Variants in MCM4 observed in about 807,000 individuals in gnomAD.
The protein encoded by MCM4 is minichromosome maintenance complex component 4, also known as DNA replication licensing factor MCM4.
In MCM4, 60 loss-of-function variants were observed where a neutral mutation model predicts 88.7. The observed-to-expected ratio is 0.68, with a 90% CI of 0.55 to 0.84. MCM4 has a LOEUF of 0.84. Among genes scored for constraint, MCM4 ranks in the 40% least tolerant of loss-of-function variants. MCM4 has a pLI of 0.00. For missense variants in MCM4, 1,149 were observed against 1,105.5 expected, an observed-to-expected ratio of 1.04 and a Z score of -0.56; for synonymous variants, 465 against 410.5, an observed-to-expected ratio of 1.13 and a Z score of -1.61.
chr8:47,967,727 G>T (rs1026142126), intron 10 of MCM4, among the ~76,000 whole-genome samples: 2 of 152,132 alleles, frequency 1.3e-5, no homozygotes, highest in African/African-American at 4.8e-5. Context: ...TGGTTCGTGT[G>T]GTCACTCGCC....
At chr8:47,968,866 A>C (rs1309713657) in intron 10 of MCM4, among the ~76,000 whole-genome samples, 1 of 151,806 alleles carries the variant, frequency 6.6e-6, no homozygotes, top group South Asian at 2.1e-4. Context: ...AGACCTCTGT[A>C]TGTGAGGAGC....
intron 2 of MCM4, 122 bp downstream of exon 2, chr8:47,961,336 C>T (rs367859950): frequency 2.1e-6 from 3 of 1,455,072 alleles, no homozygotes; most frequent in Non-Finnish European, 2.7e-6. Context: ...CTGGGCGCTG[C>T]CGCTTGGTGC....
In MCM4 at chr8:47,962,064, G is replaced by C. The variant is rs375628641; in HGVS notation, c.247G>C (p.Asp83His). 2 of 1,614,014 alleles carry C rather than the reference G, an allele frequency of 1.2e-6. No individual in the cohort carries two copies. The highest frequency in any genetic ancestry group is 8.5e-7 in the Non-Finnish European group (1 of 1,179,976). The change falls in exon 4 of 17, where the codon GAC becomes CAC. Residue 83 changes from aspartate (D) to histidine (H), a missense_variant. By Grantham distance (81) the Asp-to-His change is moderately conservative. Coordinates refer to ENST00000649973, the MANE Select transcript of MCM4 (RefSeq NM_182746.3). ...PQMHSSAIPL[D>H]FDVSSPLTYG... ...TTTTGTTTTTATAGCTATCCCTCTT[G>C]ACTTTGATGTTAGTTCACCACTGAC...
chr8:47,970,662 G>A lies in MCM4; in HGVS notation c.1586G>A (p.Arg529Lys). ...LLQYVYNLVP[R>K]GQYTSGKGSS... Reference sequence around the variant, plus strand: ...CAGTACGTGTACAACCTCGTCCCCAGGGGCCAGTACACGTCTGGGAAGGGC... The same window carrying A: ...CAGTACGTGTACAACCTCGTCCCCAAGGGCCAGTACACGTCTGGGAAGGGC... Residue 529 changes from arginine to lysine, a missense_variant, in exon 12 of 17, where the codon AGG becomes AAG. Arg to Lys is a conservative substitution (Grantham distance 26, BLOSUM62 2). Coordinates refer to ENST00000649973, the MANE Select transcript of MCM4 (RefSeq NM_182746.3). The A allele has an allele frequency of 6.2e-7, 1 of 1,614,166 alleles. No homozygotes were observed. The highest frequency in any genetic ancestry group is 8.5e-7 in the Non-Finnish European group (1 of 1,180,040).
At chr8:47,965,781 G>A (rs76466195) in intron 8 of MCM4, among the ~76,000 whole-genome samples, 119 of 152,246 alleles carry the variant, frequency 7.8e-4, no homozygotes, top group African/African-American at 2.6e-3. Flanking sequence ...ACATTGGCAC[G>A]TTCAGTCCTT....
chr8:47,967,365 A>T lies in MCM4; in HGVS notation c.1054A>T (p.Ile352Phe). The change falls in exon 10 of 17, where the codon ATC (isoleucine) becomes TTC (phenylalanine). Residue 352 changes from isoleucine to phenylalanine, a missense_variant and splice_region_variant. By Grantham distance (21) the Ile-to-Phe change is conservative. Transcript: ENST00000649973. ...NRSLFSDKQM[I>F]KLQESPEDMP... ...ATGTTCTCTGTTTGCTGACCTTCAG[A>T]TCAAGCTTCAGGAGTCTCCGGAAGA... 6.2e-7 allele frequency: 1 copy of T among 1,614,146 alleles called. No homozygotes were observed.
intron 8 of MCM4, among the ~76,000 whole-genome samples, chr8:47,964,938 G>A (rs1052143128): frequency 3.9e-5 from 6 of 152,272 alleles, no homozygotes; most frequent in South Asian, 4.1e-4. Flanking sequence ...ACTATTGGCC[G>A]GGCACAGTGG....
At position 47,974,868 on chromosome 8, in the gene MCM4, T is replaced by A; in HGVS notation, c.2271T>A (p.Asp757Glu). ...TGTCTAACAAAGTTGAAGCCATTGA[T>A]GTGGAAGAGGCCAAACGCCTCCATC... ...VRLSNKVEAIDVEEAKRLHRE... is the reference protein window; with the variant it reads ...VRLSNKVEAIEVEEAKRLHRE... The change falls in exon 15 of 17, where the codon GAT (aspartate) becomes GAA (glutamate). Residue 757 changes from aspartate (D) to glutamate (E), a missense_variant. Physicochemically the swap from Asp to Glu is conservative, Grantham distance 45. Coordinates refer to ENST00000649973, the MANE Select transcript of MCM4 (RefSeq NM_182746.3). The A allele has an allele frequency of 6.2e-7, 1 of 1,614,210 alleles. No homozygotes were observed. Among genetic ancestry groups the A allele is most frequent in the Non-Finnish European group, 8.5e-7 (1 of 1,180,046 alleles).
In MCM4 at chr8:47,961,433, C is replaced by T. The variant is rs576248398; in HGVS notation, c.71-83C>T. 3 of 1,608,060 alleles carry T rather than the reference C, an allele frequency of 1.9e-6. No homozygotes were observed. In the Admixed American group the frequency reaches 5.0e-5, roughly 27 times the overall value. On this transcript the variant is annotated intron_variant, in intron 2 of 16. Coordinates refer to ENST00000649973, the MANE Select transcript of MCM4 (RefSeq NM_182746.3). ...TGTTTGGTTTGGTTCAGTGGTGAGT[C>T]ATAATGCCCCAAGGAAAAGACAAAT...
rs751587114 is a variant in MCM4 at position 47,975,716 on chromosome 8, G to A, written c.2367G>A (p.Gly789=). The A allele has an allele frequency of 1.3e-6, 2 of 1,550,362 alleles. No individual in the cohort carries two copies. The highest frequency in any genetic ancestry group is 1.7e-6 in the Non-Finnish European group (2 of 1,157,064). The stretch of plus-strand genomic sequence containing the variant: ...TTCATTGATTTCTTTTTAAATCAGG[G>A]ATGAGTGCCACCTCTCGTAAACGGA... The part of the protein sequence containing the change: ...GIVDISILTT[G]MSATSRKRKE... The change falls in exon 16 of 17, where the codon GGG becomes GGA. Residue 789 remains glycine (G), a splice_region_variant and synonymous_variant. Coordinates refer to ENST00000649973, the MANE Select transcript of MCM4 (RefSeq NM_182746.3).
At chr8:47,965,498 G>T (rs1589829448) in intron 8 of MCM4, among the ~76,000 whole-genome samples, 1 of 152,152 alleles carries the variant, frequency 6.6e-6, no homozygotes, top group Admixed American at 6.5e-5. Context: ...GAGGTCTCAT[G>T]AATCAGTGGC....
In MCM4 at chr8:47,960,978, T is replaced by G; in HGVS notation, c.-51T>G. On this transcript the variant is annotated 5_prime_UTR_variant, in exon 1 of 17. Transcript: ENST00000649973. ...CGCTACTCGCCAGGTGGACTCGGAG[T>G]CCGCGAGCGTCGTCGGCAAGCGGCC... 1 of 643,546 alleles carries G rather than the reference T, an allele frequency of 1.6e-6. No homozygotes were observed. The highest frequency in any genetic ancestry group is 2.4e-6 in the Non-Finnish European group (1 of 415,360). 39.9% of individuals were successfully genotyped at this position (643,546 alleles called of 1,614,324 possible). A position where few individuals can be genotyped will look rare whatever the true frequency, so the allele number is the denominator to read the frequency against.
chr8:47,963,054 T>C lies in MCM4; in HGVS notation c.693+14T>C. 1 of 1,455,226 alleles carries C rather than the reference T, an allele frequency of 6.9e-7. No homozygotes were observed. 90.1% of individuals were successfully genotyped at this position (1,455,226 alleles called of 1,614,324 possible). On this transcript the variant is annotated intron_variant, in intron 7 of 16. Transcript: ENST00000649973. ...TCTTACCCACAGGTAAGAATTTAGCTTTGACCTTGATGAATTTTAGTAACA... is the reference window on the plus strand; with the variant it reads ...TCTTACCCACAGGTAAGAATTTAGCCTTGACCTTGATGAATTTTAGTAACA...
rs1357595812 is a variant in MCM4, at chr8:47,973,825, A to T, written c.2136+761A>T. 2.0e-5 allele frequency: 3 copies of T among 152,214 alleles called. No individual in the cohort carries two copies. The East Asian group carries it at 5.8e-4, about 29-fold the overall frequency. The allele number at this position is 152,214 out of a possible 1,614,324, so 9.4% of individuals were successfully genotyped here. On this transcript the variant is annotated intron_variant, in intron 14 of 16. Transcript: ENST00000649973. ...TTATAACTGTTTATTACTTCCTCCCATATTGCAAAATTGATCTTTCCAAAT... is the reference window on the plus strand; with the variant it reads ...TTATAACTGTTTATTACTTCCTCCCTTATTGCAAAATTGATCTTTCCAAAT...
Position 47,969,905 on chromosome 8 carries a change from C to T in MCM4, c.1282C>T (p.Arg428Cys), listed in dbSNP as rs373211350. The change falls in exon 11 of 17, where the codon CGT becomes TGT. Residue 428 changes from arginine to cysteine, a missense_variant. By Grantham distance (180) the Arg-to-Cys change is radical (BLOSUM62 -3). This residue lies in a region of MCM4 where 906 missense variants were observed against 843.0 expected (regional missense o/e 1.07). Transcript: ENST00000649973. The part of the protein sequence containing the change: ...VIHYRKTDAK[R>C]LHGLDEEAEQ... ...TCATTATCGGAAAACGGATGCAAAA[C>T]GTCTGCATGGCCTTGATGAAGAAGC... is the stretch of plus-strand genomic sequence containing the variant. 1.4e-5 allele frequency: 22 copies of T among 1,614,098 alleles called. No homozygotes were observed. In the African/African-American group the frequency reaches 2.0e-4, roughly 15 times the overall value.
intron 5 of MCM4, 95 bp from the exon 6 acceptor site, chr8:47,962,669 C>T (rs900454600): frequency 3.9e-6 from 3 of 761,300 alleles, no homozygotes; most frequent in East Asian, 2.5e-5. Context: ...TTATTTCTGT[C>T]TCCTGATAGT....
chr8:47,973,078 A>C lies in MCM4; in HGVS notation c.2136+14A>C, dbSNP rs771955435. The stretch of plus-strand genomic sequence containing the variant: ...GCTCTCATCGAGGTAACCCTGCTGA[A>C]AAAAGGCTTACTGTGCCTGTAGCCC... On this transcript the variant is annotated intron_variant, in intron 14 of 16. Coordinates refer to ENST00000649973, the MANE Select transcript of MCM4 (RefSeq NM_182746.3). 1.9e-6 allele frequency: 3 copies of C among 1,608,888 alleles called. No homozygotes were observed. In the South Asian group the frequency reaches 3.3e-5, roughly 18 times the overall value.
In MCM4 at chr8:47,966,412, G is replaced by A. The variant is rs763651000; in HGVS notation, c.1053+5G>A. ...CTCTTCTCTGACAAGCAGATGGTGC[G>A]CAGCCACCCTGGCCCCCCAGGCTAT... On this transcript the variant is annotated splice_donor_5th_base_variant and intron_variant, in intron 9 of 16. Transcript: ENST00000649973. 3.7e-6 allele frequency: 6 copies of A among 1,601,918 alleles called. No homozygotes were observed. Among genetic ancestry groups the A allele is most frequent in the Non-Finnish European group, 5.1e-6 (6 of 1,172,772 alleles).
intron 10 of MCM4, among the ~76,000 whole-genome samples, chr8:47,967,687 G>T (rs1260897892): frequency 6.6e-6 from 1 of 152,138 alleles, no homozygotes; most frequent in Non-Finnish European, 1.5e-5. Context: ...AAATTGTTCA[G>T]TTCTTCCCAA....
Sources: allele counts gnomAD v4.1 joint callset (sites outside exome capture counted in the v4.1 genomes callset), GRCh38; gene constraint gnomAD v4.1.1; regional missense constraint gnomAD v4.1.1; transcripts MANE v1.5; gene names NCBI Gene and HGNC (gene_info 2026-07-23, HGNC 2026-07-21).